MICAL1: variants seen among roughly 807,000 people sequenced by gnomAD.
MICAL1 encodes the protein [F-actin]-monooxygenase MICAL1.
MICAL1 carries 95 observed loss-of-function variants against 131.8 expected under a neutral mutation model. That is an observed-to-expected ratio of 0.72 (90% CI 0.61 to 0.86). The LOEUF is 0.86. Ranked by LOEUF, MICAL1 falls within the 40% of genes least tolerant of loss-of-function variation. The pLI, the probability that MICAL1 is intolerant of heterozygous loss-of-function variation, is 0.00. For synonymous variants in MICAL1, 546 were observed against 554.2 expected (o/e 0.99, Z 0.21); for missense variants, 1,292 against 1,380.6 (o/e 0.94, Z 1.02).
chr6:109,448,978 G>C, intron 11 of MICAL1, 99 bp from the exon 12 acceptor site: 4 of 1,511,252 alleles, frequency 2.6e-6, no homozygotes, highest in Non-Finnish European at 3.6e-6. Flanking sequence ...AGGGGAGGAG[G>C]AGTCAGGGAC....
chr6:109,465,562 G>C, intron 1 of MICAL1: 1 of 1,257,272 alleles, frequency 8.0e-7, no homozygotes. Flanking sequence ...GAAAAACTGA[G>C]ATCAATGCCC....
In MICAL1 at chr6:109,455,084, AGGAATCTCCGGAGACAAAGCCTCGCTT is replaced by A. The variant is rs1295170182; in HGVS notation, c.-44+608_-44+634del. On this transcript the variant is annotated intron_variant, in intron 1 of 24. Coordinates refer to ENST00000358807, the MANE Select transcript of MICAL1 (RefSeq NM_022765.4). The surrounding 1 kb of genome is among the most constrained non-coding windows in gnomAD (Gnocchi z 4.7). ...CCTGTGCGCCCGGGCGCGCTCTCCC[AGGAATCTCCGGAGACAAAGCCTCGCTT>A]TGTCGCCCCCTCCCACGCCACCTGA... Among the ~76,000 whole-genome samples, 3 of 125,676 alleles carry A rather than the reference AGGAATCTCCGGAGACAAAGCCTCGCTT, an allele frequency of 2.4e-5. No homozygotes were observed. In the South Asian group the frequency reaches 8.6e-4, roughly 36 times the overall value. The allele number at this position is 125,676 out of a possible 152,430, so 82.4% of individuals were successfully genotyped here. A position where few individuals can be genotyped will look rare whatever the true frequency, so the allele number is the denominator to read the frequency against.
intron 12 of MICAL1, 147 bp from the exon 13 acceptor site, chr6:109,448,540 G>T: frequency 8.1e-7 from 1 of 1,239,702 alleles, no homozygotes; most frequent in Non-Finnish European, 1.1e-6. Context: ...GCTACCCAGT[G>T]CCCAACCCAG....
rs762135228 is a variant in MICAL1 at position 109,447,378 on chromosome 6, T to G, written c.2049A>C (p.Thr683=). The G allele has an allele frequency of 5.6e-6, 9 of 1,612,158 alleles. No homozygotes were observed. The highest frequency in any genetic ancestry group is 7.6e-6 in the Non-Finnish European group (9 of 1,179,668). The change falls in exon 16 of 25, where the codon ACA becomes ACC. Residue 683 remains threonine, a synonymous_variant. Coordinates refer to ENST00000358807, the MANE Select transcript of MICAL1 (RefSeq NM_022765.4). ...PPDPEPGVPL[T]PPSQHQEAGA... ...TCACCTCCTGGTGTTGGGATGGGGG[T>G]GTCAGGGGTACACCAGGCTCTGGGT...
rs1420528662 is a variant in MICAL1, at chr6:109,449,371, G to A, written c.1516+29C>T. ...GCCTCGCTGGGTAGTACATATTTTG[G>A]TCACCCCTTGGGAGGAAGGCCTGCT... is the stretch of plus-strand genomic sequence containing the variant. On this transcript the variant is annotated intron_variant, in intron 11 of 24. Transcript: ENST00000358807. 3 of 1,613,474 alleles carry A rather than the reference G, an allele frequency of 1.9e-6. No individual in the cohort carries two copies. In the African/African-American group the frequency reaches 4.0e-5, roughly 22 times the overall value.
intron 1 of MICAL1, chr6:109,463,391 A>ATAAT (rs1451968195): frequency 2.0e-5 from 3 of 152,234 alleles, no homozygotes; most frequent in Non-Finnish European, 4.4e-5. Flanking sequence ...AGCTGGTCAA[A>ATAAT]TAATTCAGGC....
rs1775620197 is a variant in MICAL1, at chr6:109,453,450, G to C, written c.467-83C>G. ...ACCAGTGTGTGCCTGGTCAGGGTCA[G>C]ACTGGAAAAGGCCTTAGCAATCACT... On this transcript the variant is annotated intron_variant, in intron 3 of 24. Coordinates refer to ENST00000358807, the MANE Select transcript of MICAL1 (RefSeq NM_022765.4). 3 of 1,534,368 alleles carry C rather than the reference G, an allele frequency of 2.0e-6. No individual in the cohort carries two copies. In the African/African-American group the frequency reaches 4.1e-5, roughly 21 times the overall value.
chr6:109,446,975 G>A lies in MICAL1; in HGVS notation c.2227+98C>T. 2.7e-6 allele frequency: 4 copies of A among 1,458,726 alleles called. No individual in the cohort carries two copies. The South Asian group carries it at 5.1e-5, about 19-fold the overall frequency. 90.4% of individuals were successfully genotyped at this position (1,458,726 alleles called of 1,614,324 possible). On this transcript the variant is annotated intron_variant, in intron 17 of 24. Transcript: ENST00000358807. Reference sequence around the variant, plus strand: ...GCTCAGGAGAACGAAGTGCCATCTTGAGCCTGTTTCCATCCTGTGCCTCTC... The same window carrying A: ...GCTCAGGAGAACGAAGTGCCATCTTAAGCCTGTTTCCATCCTGTGCCTCTC...
At chr6:109,452,025 G>T in intron 6 of MICAL1, 1 of 1,406,470 alleles carries the variant, frequency 7.1e-7, no homozygotes, top group South Asian at 1.6e-5. Context: ...CCATACACAG[G>T]TTCATCTCTG....
At chr6:109,456,094 AG>A, upstream of MICAL1, 1 of 901,926 alleles carries the variant, frequency 1.1e-6, no homozygotes, top group Non-Finnish European at 1.3e-6. Context: ...GAGGAGCTCG[AG>A]GGTCAGGGCG....
rs781228195 is a variant in MICAL1, at chr6:109,453,656, C to T, written c.448G>A (p.Gly150Ser). Residue 150 changes from glycine to serine, a missense_variant, in exon 3 of 25, where the codon GGC (glycine) becomes AGC (serine). Transcript: ENST00000358807. Reference protein sequence around the residue: ...AKKFYGRFCTGTLDHISIRQL... With the variant: ...AKKFYGRFCTSTLDHISIRQL... The stretch of plus-strand genomic sequence containing the variant: ...TGCTCACTGATGTGGTCCAGGGTGC[C>T]GGTGCAGAAGCGCCCGTAGAACTTC... 1.4e-5 allele frequency: 23 copies of T among 1,607,378 alleles called. No homozygotes were observed. In the East Asian group the frequency reaches 1.8e-4, roughly 13 times the overall value.
intron 1 of MICAL1, chr6:109,465,342 G>A: frequency 2.9e-6 from 1 of 350,394 alleles, no homozygotes; most frequent in Non-Finnish European, 5.2e-6. Flanking sequence ...ATTATTAAAA[G>A]GGCAAATTCC....
At chr6:109,452,886 G>T (rs755918978) in intron 4 of MICAL1, among the ~76,000 whole-genome samples, 2 of 152,166 alleles carry the variant, frequency 1.3e-5, no homozygotes, top group Non-Finnish European at 2.9e-5. Context: ...GGCTGGCATG[G>T]TGGGTCACGC....
rs776354259 is a variant in MICAL1, at chr6:109,446,348, T to G, written c.2369A>C (p.Glu790Ala). ...GGGATCTGGAACAGGACCGGCCCCCTCCTGCGAGGCTGTGGGAGTTGAGAG... is the reference window on the plus strand; with the variant it reads ...GGGATCTGGAACAGGACCGGCCCCCGCCTGCGAGGCTGTGGGAGTTGAGAG... ...PGLSTPTASQ[E>A]GAGPVPDPSQ... The change falls in exon 19 of 25, where the codon GAG becomes GCG. Residue 790 changes from glutamate (E) to alanine (A), a missense_variant. Transcript: ENST00000358807. 1 of 1,613,310 alleles carries G rather than the reference T, an allele frequency of 6.2e-7. No individual in the cohort carries two copies. Among genetic ancestry groups the G allele is most frequent in the Non-Finnish European group, 8.5e-7 (1 of 1,179,850 alleles).
chr6:109,445,140 A>T (rs1290505118), intron 22 of MICAL1, 57 bp downstream of exon 22: 8 of 1,600,400 alleles, frequency 5.0e-6, no homozygotes, highest in Non-Finnish European at 6.8e-6. Flanking sequence ...TACGGGCTGG[A>T]GCGTGGAGCT....
Position 109,448,330 on chromosome 6 carries a change from T to C in MICAL1, c.1728A>G (p.Ala576=), listed in dbSNP as rs1378488660. The C allele has an allele frequency of 6.2e-7, 1 of 1,614,046 alleles. No homozygotes were observed. Among genetic ancestry groups the C allele is most frequent in the Admixed American group, 1.7e-5 (1 of 60,022 alleles). The change falls in exon 13 of 25, where the codon GCA becomes GCG. Residue 576 remains alanine (A), a synonymous_variant. Transcript: ENST00000358807. ...CCGGTGTGATGCCCAGCTCATTCTC[T>C]GCCACCTTTAGTGCCCAAGCAGTTG... is the stretch of plus-strand genomic sequence containing the variant. ...LEATAWALKV[A]ENELGITPVV...
chr6:109,449,078 AGAG>A (rs1401791189), intron 11 of MICAL1, 199 bp from the exon 12 acceptor site: 3 of 752,070 alleles, frequency 4.0e-6, no homozygotes, highest in African/African-American at 1.8e-5. Flanking sequence ...GGAATAAAGT[AGAG>A]GAGTGAATAA....
chr6:109,445,040 C>G (rs1366015067), intron 22 of MICAL1, 45 bp from the exon 23 acceptor site: 3 of 1,602,748 alleles, frequency 1.9e-6, no homozygotes, highest in East Asian at 4.5e-5. Flanking sequence ...GGCTTCCAGC[C>G]AGCACCACAG....
Position 109,445,428 on chromosome 6 carries a change from G to A in MICAL1, c.2775C>T (p.Phe925=). ...CCCCGGGCTTCACCTGGGCCTTGCA[G>A]AACCTCTTCATCTCCTCCTCCTTCG... The part of the protein sequence containing the change: ...RRAKEEEMKR[F]CKAQTIQRRL... Residue 925 remains phenylalanine, a synonymous_variant, in exon 21 of 25, where the codon TTC becomes TTT. Transcript: ENST00000358807. The A allele has an allele frequency of 6.2e-7, 1 of 1,614,036 alleles. No homozygotes were observed. Among genetic ancestry groups the A allele is most frequent in the Non-Finnish European group, 8.5e-7 (1 of 1,180,030 alleles).
Sources: gnomAD v4.1 joint callset for allele counts (sites outside exome capture counted in the v4.1 genomes callset) on GRCh38, gnomAD v4.1.1 for gene constraint, Gnocchi (gnomAD v3.1) non-coding constraint, MANE v1.5 for transcripts, NCBI Gene and HGNC (gene_info 2026-07-23, HGNC 2026-07-21) for gene names.